The following MED23 variants were observed in gnomAD, a reference collection of about 807,000 sequenced individuals.
MED23 encodes the protein mediator of RNA polymerase II transcription subunit 23.
MED23 carries 105 observed loss-of-function variants against 163.9 expected under a neutral mutation model. The ratio of observed to expected loss-of-function variants is 0.64; its 90% CI spans 0.55 to 0.75. The LOEUF is 0.75. Ranked by LOEUF, MED23 falls within the 30% of genes least tolerant of loss-of-function variation. The probability of loss-of-function intolerance (pLI) is 0.00; values close to 1 mark genes in which losing one functional copy is unlikely to be tolerated. For missense variants in MED23, 1,054 were observed against 1,649.0 expected (o/e 0.64, Z 6.25); for synonymous variants, 561 against 565.6 (o/e 0.99, Z 0.12).
chr6:131,620,745 A>G lies in MED23; in HGVS notation c.496-16T>C. On this transcript the variant is annotated splice_polypyrimidine_tract_variant and intron_variant, in intron 6 of 28. Coordinates refer to ENST00000368068, the MANE Select transcript of MED23 (RefSeq NM_004830.4). ...ATGCTATAACCTAAGAAAAACAAAA[A>G]GGCCACATCATTCTTGACTAGTCCC... The G allele has an allele frequency of 6.7e-7, 1 of 1,490,532 alleles. No homozygotes were observed. Among genetic ancestry groups the G allele is most frequent in the East Asian group, 2.3e-5 (1 of 44,240 alleles). 92.3% of individuals were successfully genotyped at this position (1,490,532 alleles called of 1,614,324 possible).
chr6:131,597,244 A>AG (rs1585481549), intron 20 of MED23, among the ~76,000 whole-genome samples: 1 of 152,134 alleles, frequency 6.6e-6, no homozygotes, highest in East Asian at 1.9e-4. Flanking sequence ...TCGGAGGCCG[A>AG]GGCGGGCAGA....
At chr6:131,590,858 C>T (rs981954993) in intron 26 of MED23, among the ~76,000 whole-genome samples, 19 of 152,016 alleles carry the variant, frequency 1.2e-4, no homozygotes, top group South Asian at 4.1e-4. Flanking sequence ...ACCTTGTGAT[C>T]CACCCATCTC....
intron 30 of MED23, chr6:131,576,732 C>A: frequency 6.2e-7 from 1 of 1,613,176 alleles, no homozygotes; most frequent in East Asian, 2.2e-5. Flanking sequence ...ACTTAAAGAA[C>A]AAGGTAATTT....
At chr6:131,594,418 C>G in intron 22 of MED23, 83 bp from the exon 23 acceptor site, 1 of 1,029,744 alleles carries the variant, frequency 9.7e-7, no homozygotes, top group Non-Finnish European at 1.5e-6. Context: ...TTCCAGATAA[C>G]TGAAAAACAG....
chr6:131,596,535 G>T lies in MED23; in HGVS notation c.2761C>A (p.His921Asn). Residue 921 changes from histidine (H) to asparagine (N), a missense_variant, in exon 21 of 29, where the codon CAC becomes AAC. This residue lies in a region of MED23 where 228 missense variants were observed against 461.3 expected (regional missense o/e 0.49). Transcript: ENST00000368068. ...ACTAGTACCTTGTGATAATTCATGT[G>T]CTTGGTGTGCCAGTCATTCTGTAAC... ...HWLQNDWHTK[H>N]MNYHKKYPEK... 6.2e-7 allele frequency: 1 copy of T among 1,614,122 alleles called. No homozygotes were observed. The highest frequency in any genetic ancestry group is 8.5e-7 in the Non-Finnish European group (1 of 1,179,992).
intron 10 of MED23, among the ~76,000 whole-genome samples, chr6:131,610,878 C>A (rs1434573090): frequency 6.6e-6 from 1 of 152,020 alleles, no homozygotes; most frequent in African/African-American, 2.4e-5. Context: ...TCTTGGAAGC[C>A]AAACATAATG....
At position 131,624,749 on chromosome 6, in the gene MED23, G is replaced by C. The variant is rs1170490650; in HGVS notation, c.284+116C>G. On this transcript the variant is annotated intron_variant, in intron 4 of 28. Transcript: ENST00000368068. ...TGAGGTATTATATAAAGGATTACTT[G>C]ATAAACCTCACCTTCTTCTTCATTC... 6.0e-6 allele frequency: 7 copies of C among 1,173,166 alleles called. No individual in the cohort carries two copies. In the South Asian group the frequency reaches 6.3e-5, roughly 11 times the overall value. 72.7% of individuals were successfully genotyped at this position (1,173,166 alleles called of 1,614,324 possible).
Position 131,606,458 on chromosome 6 carries a change from A to G in MED23, c.1367+21T>C, listed in dbSNP as rs113917874. On this transcript the variant is annotated intron_variant, in intron 13 of 28. Coordinates refer to ENST00000368068, the MANE Select transcript of MED23 (RefSeq NM_004830.4). ...TATTAATTAAACAAGAAAATTAAGT[A>G]TCAAGCAACAAATAACTTACTCATG... 281 of 1,608,834 alleles carry G rather than the reference A, an allele frequency of 1.7e-4. No individual in the cohort carries two copies. In the African/African-American group the frequency reaches 3.1e-3, roughly 18 times the overall value.
At chr6:131,597,977 C>T (rs1484151015) in intron 20 of MED23, among the ~76,000 whole-genome samples, 2 of 152,020 alleles carry the variant, frequency 1.3e-5, no homozygotes, top group East Asian at 3.9e-4. Context: ...TGCCTGTACT[C>T]CCAGCTACTC....
At chr6:131,584,034 A>T, downstream of MED23, 4 of 1,056,714 alleles carry the variant, frequency 3.8e-6, no homozygotes, top group Non-Finnish European at 5.4e-6. Flanking sequence ...CAATTAGTAT[A>T]AACTCTACAA....
chr6:131,580,118 C>T (rs1773845735), intron 30 of MED23, among the ~76,000 whole-genome samples: 1 of 152,120 alleles, frequency 6.6e-6, no homozygotes, highest in African/African-American at 2.4e-5. Context: ...CTCCCAAGGC[C>T]TAGGATAATT....
intron 21 of MED23, 143 bp from the exon 22 acceptor site, chr6:131,596,306 T>C (rs1775043387): frequency 5.7e-6 from 5 of 880,476 alleles, no homozygotes; most frequent in Non-Finnish European, 9.0e-6. Flanking sequence ...CTTCTTTTTA[T>C]AGAAGTCCTT....
chr6:131,579,428 TAG>T (rs1357715861), intron 30 of MED23: 3 of 873,336 alleles, frequency 3.4e-6, no homozygotes, highest in Non-Finnish European at 5.2e-6. Flanking sequence ...AAAAATTTTA[TAG>T]GTTACTTTTA....
chr6:131,593,804 T>C (rs189659619), intron 23 of MED23, among the ~76,000 whole-genome samples: 121 of 152,254 alleles, frequency 7.9e-4, no homozygotes, highest in Admixed American at 1.6e-3. Flanking sequence ...AAATATAGTA[T>C]GTAAGAATAA....
intron 30 of MED23, chr6:131,576,692 A>T: frequency 6.2e-7 from 1 of 1,614,144 alleles, no homozygotes; most frequent in Non-Finnish European, 8.5e-7. Flanking sequence ...AAGGCCCTAC[A>T]GTATTGAGAA....
intron 9 of MED23, 138 bp from the exon 10 acceptor site, chr6:131,616,140 A>T: frequency 2.8e-6 from 2 of 720,944 alleles, no homozygotes; most frequent in Non-Finnish European, 4.8e-6. Context: ...GAAAAAAATC[A>T]TAGGATTTTA....
intron 7 of MED23, among the ~76,000 whole-genome samples, chr6:131,620,418 TG>T (rs2114755082): frequency 6.6e-6 from 1 of 152,230 alleles, no homozygotes; most frequent in Admixed American, 6.5e-5. Flanking sequence ...CCTGAGTAGC[TG>T]GGGCTATAGG....
intron 3 of MED23, 61 bp downstream of exon 3, chr6:131,627,329 GAAAAAA>G (rs60163644): frequency 2.6e-5 from 23 of 875,022 alleles, no homozygotes; most frequent in Admixed American, 8.2e-5. Context: ...AATGTTAAAA[GAAAAAA>G]AAAAAAAAAA....
intron 22 of MED23, 65 bp downstream of exon 22, chr6:131,595,882 G>A: frequency 8.4e-7 from 1 of 1,195,704 alleles, no homozygotes; most frequent in Non-Finnish European, 1.2e-6. Flanking sequence ...ATTACCATGT[G>A]GTCCTGCCCA....
Sources: allele counts gnomAD v4.1 joint callset (sites outside exome capture counted in the v4.1 genomes callset), GRCh38; gene constraint gnomAD v4.1.1; regional missense constraint gnomAD v4.1.1; transcripts MANE v1.5; gene names NCBI Gene and HGNC (gene_info 2026-07-23, HGNC 2026-07-21).